CNTN6: variants seen among roughly 807,000 people sequenced by gnomAD.
The protein encoded by CNTN6 is contactin 6, also known as contactin-6.
CNTN6 carries 137 observed loss-of-function variants against 122.8 expected under a neutral mutation model. The observed-to-expected ratio is 1.12, with a 90% CI of 0.97 to 1.29. The LOEUF is 1.29. Among genes scored for constraint, CNTN6 ranks in the 50% most tolerant of loss-of-function variants. The pLI, the probability that CNTN6 is intolerant of heterozygous loss-of-function variation, is 0.00. For missense variants in CNTN6, 1,634 were observed against 1,223.4 expected, an observed-to-expected ratio of 1.34 and a Z score of -5.01; for synonymous variants, 570 against 426.0, an observed-to-expected ratio of 1.34 and a Z score of -4.16.
chr3:1,212,893 G>A (rs904634909), intron 2 of CNTN6, among the ~76,000 whole-genome samples: 1 of 151,966 alleles, frequency 6.6e-6, no homozygotes, highest in African/African-American at 2.4e-5. Context: ...TACTTATCAA[G>A]TGGTATAAAT....
chr3:1,299,075 T>A (rs1234417086), intron 7 of CNTN6, among the ~76,000 whole-genome samples: 2 of 152,208 alleles, frequency 1.3e-5, no homozygotes, highest in Non-Finnish European at 2.9e-5. Flanking sequence ...TATCTTTGAA[T>A]GAAATTTCTC....
intron 2 of CNTN6, among the ~76,000 whole-genome samples, chr3:1,220,178 T>A (rs1464616942): frequency 8.6e-5 from 13 of 150,410 alleles, no homozygotes; most frequent in Admixed American, 3.3e-4. Context: ...CAACAGAAGG[T>A]GACTCCATAT....
intron 6 of CNTN6, among the ~76,000 whole-genome samples, chr3:1,296,387 G>A (rs530610201): frequency 5.3e-5 from 8 of 152,172 alleles, no homozygotes; most frequent in South Asian, 2.1e-4. Flanking sequence ...AGTCTCTGAC[G>A]AGCTTTGTAG....
At chr3:1,102,794 C>T (rs1475360747) in intron 1 of CNTN6, among the ~76,000 whole-genome samples, 2 of 148,854 alleles carry the variant, frequency 1.3e-5, no homozygotes, top group Non-Finnish European at 3.0e-5. Context: ...CTATATAATA[C>T]ACAGAAAACA....
In CNTN6 at chr3:1,275,587, A is replaced by G. The variant is rs139755654; in HGVS notation, c.359-2826A>G. On this transcript the variant is annotated intron_variant, in intron 4 of 22. Transcript: ENST00000446702. ...CCCCATCAGGTTTACATTCATACCTATGACTTCAAATATGGTGTATATGCT... is the reference window on the plus strand; with the variant it reads ...CCCCATCAGGTTTACATTCATACCTGTGACTTCAAATATGGTGTATATGCT... Among the ~76,000 whole-genome samples, 419 of 152,268 alleles carry G rather than the reference A, an allele frequency of 2.8e-3. 4 individuals carry two copies. The highest frequency in any genetic ancestry group is 8.7e-3 in the African/African-American group (361 of 41,522).
chr3:1,297,861 T>A (rs766472580), intron 6 of CNTN6, 28 bp from the exon 7 acceptor site: 1 of 1,548,552 alleles, frequency 6.5e-7, no homozygotes, highest in Admixed American at 1.8e-5. Context: ...TCTCCAGAAA[T>A]GCTGCTAGCT....
chr3:1,275,063 A>T (rs1692080698), intron 4 of CNTN6, among the ~76,000 whole-genome samples: 2 of 152,066 alleles, frequency 1.3e-5, no homozygotes, highest in African/African-American at 4.8e-5. Context: ...AAGCACATAT[A>T]AGTTTTGTTT....
chr3:1,197,960 A>G (rs931128829), intron 2 of CNTN6, among the ~76,000 whole-genome samples: 10 of 152,178 alleles, frequency 6.6e-5, no homozygotes, highest in Non-Finnish European at 1.0e-4. Flanking sequence ...TAAAAAAATT[A>G]CTTTGACAGT....
chr3:1,101,539 AC>A (rs1216888889), intron 1 of CNTN6, among the ~76,000 whole-genome samples: 4 of 152,064 alleles, frequency 2.6e-5, no homozygotes, highest in African/African-American at 9.7e-5. Flanking sequence ...TCAAACTCTC[AC>A]TTGCTGGTAT....
chr3:1,306,941 C>A (rs1047571706), intron 7 of CNTN6, among the ~76,000 whole-genome samples: 1 of 152,130 alleles, frequency 6.6e-6, no homozygotes, highest in African/African-American at 2.4e-5. Context: ...ACTCATTTGA[C>A]AAATTGAGCA....
intron 11 of CNTN6, among the ~76,000 whole-genome samples, chr3:1,346,193 G>T (rs371807217): frequency 6.6e-6 from 1 of 152,108 alleles, no homozygotes; most frequent in African/African-American, 2.4e-5. Flanking sequence ...TGACAAAAAA[G>T]GATGTGAATG....
intron 2 of CNTN6, among the ~76,000 whole-genome samples, chr3:1,206,324 T>C (rs989663667): frequency 1.3e-5 from 2 of 152,308 alleles, no homozygotes; most frequent in South Asian, 4.1e-4. Context: ...AATTTTAACT[T>C]GCTTTCCACC....
intron 4 of CNTN6, among the ~76,000 whole-genome samples, chr3:1,247,831 A>C (rs1219566763): frequency 6.6e-6 from 1 of 152,060 alleles, no homozygotes; most frequent in Admixed American, 6.5e-5. Flanking sequence ...GTATCTATTA[A>C]GCCTTTTACA....
chr3:1,367,414 G>T (rs1056514216), intron 12 of CNTN6, among the ~76,000 whole-genome samples: 4 of 152,004 alleles, frequency 2.6e-5, no homozygotes, highest in African/African-American at 9.7e-5. Context: ...TGGTTTCATG[G>T]ACATACAATC....
intron 2 of CNTN6, among the ~76,000 whole-genome samples, chr3:1,207,748 G>A (rs2093977519): frequency 6.6e-6 from 1 of 152,016 alleles, no homozygotes; most frequent in Non-Finnish European, 1.5e-5. Flanking sequence ...CTCTAAGATG[G>A]TTCTCGCACA....
At position 1,404,090 on chromosome 3, in the gene CNTN6, T is replaced by C. The variant is rs1015033893; in HGVS notation, c.*672T>C. The C allele has an allele frequency of 1.3e-5, 2 of 152,182 alleles. No homozygotes were observed. The highest frequency in any genetic ancestry group is 2.9e-5 in the Non-Finnish European group (2 of 68,034). The allele number at this position is 152,182 out of a possible 1,614,324, so 9.4% of individuals were successfully genotyped here. ...ATAATCTTCTAACAACTCTGGTATA[T>C]ATTAAGCAATTGCTCATGGCAAAGT... is the stretch of plus-strand genomic sequence containing the variant. On this transcript the variant is annotated 3_prime_UTR_variant, in exon 23 of 23. Transcript: ENST00000446702.
chr3:1,101,575 G>A (rs1015563782), intron 1 of CNTN6, among the ~76,000 whole-genome samples: 3 of 151,990 alleles, frequency 2.0e-5, no homozygotes, highest in African/African-American at 4.8e-5. Flanking sequence ...GTACTCTTAT[G>A]GTTTCATGGA....
At chr3:1,283,637 C>G (rs1475041254) in intron 5 of CNTN6, among the ~76,000 whole-genome samples, 1 of 152,138 alleles carries the variant, frequency 6.6e-6, no homozygotes, top group Admixed American at 6.5e-5. Flanking sequence ...ATTAAACCCC[C>G]CCTTCACTAT....
rs758310909 is a variant in CNTN6, at chr3:1,102,094, TATC to T, written c.-83+8977_-83+8979del. 5.3e-5 allele frequency among the ~76,000 whole-genome samples: 8 copies of T among 152,214 alleles called. No individual in the cohort carries two copies. The East Asian group carries it at 1.4e-3, about 26-fold the overall frequency. ...ATATTTGGTGAAGTTTCTAGTAATT[TATC>T]ATTCATGCATGTAAGAGGCCAACAT... On this transcript the variant is annotated intron_variant, in intron 1 of 22. Coordinates refer to ENST00000446702, the MANE Select transcript of CNTN6 (RefSeq NM_001289080.2).
Sources: gnomAD v4.1 joint callset for allele counts (sites outside exome capture counted in the v4.1 genomes callset) on GRCh38, gnomAD v4.1.1 for gene constraint, MANE v1.5 for transcripts, NCBI Gene and HGNC (gene_info 2026-07-23, HGNC 2026-07-21) for gene names.